AFDN: variants seen among roughly 807,000 people sequenced by gnomAD.
AFDN encodes the protein afadin, adherens junction formation factor, also known as afadin.
Under a neutral mutation model 216.6 loss-of-function variants are expected in AFDN, and 68 were observed. That is an observed-to-expected ratio of 0.31 (90% confidence interval 0.26 to 0.38). The LOEUF (loss-of-function observed/expected upper bound fraction) is 0.38. Among genes scored for constraint, AFDN ranks in the 10% least tolerant of loss-of-function variants. The pLI is 1.00. For missense variants in AFDN, 2,136 were observed against 2,342.0 expected (o/e 0.91, Z 1.82); for synonymous variants, 868 against 853.7 (o/e 1.02, Z -0.29).
At chr6:167,954,560 G>C in intron 30 of AFDN, 1 of 1,431,988 alleles carries the variant, frequency 7.0e-7, no homozygotes, top group Non-Finnish European at 9.6e-7. Flanking sequence ...TTCAGTGGTG[G>C]CTGTTTGATG....
At chr6:167,915,095 A>G in intron 18 of AFDN, 73 bp from the exon 19 acceptor site, 1 of 1,503,614 alleles carries the variant, frequency 6.7e-7, no homozygotes, top group Non-Finnish European at 9.1e-7. Context: ...CATTATCTAA[A>G]TCTGCTGCAC....
intron 1 of AFDN, among the ~76,000 whole-genome samples, chr6:167,863,099 T>C (rs930487420): frequency 6.6e-5 from 10 of 152,196 alleles, no homozygotes; most frequent in African/African-American, 1.9e-4. Flanking sequence ...TGTCTCTAAC[T>C]TGAAAACCTG....
At chr6:167,898,590 T>G in intron 11 of AFDN, 123 bp downstream of exon 11, 1 of 1,186,482 alleles carries the variant, frequency 8.4e-7, no homozygotes, top group Non-Finnish European at 1.1e-6. Flanking sequence ...AAGTGAAGTT[T>G]GTGATTTTGG....
intron 21 of AFDN, among the ~76,000 whole-genome samples, chr6:167,921,193 A>G (rs745394080): frequency 6.6e-6 from 1 of 152,258 alleles, no homozygotes; most frequent in Non-Finnish European, 1.5e-5. Context: ...AGCAACTGCC[A>G]GTTTTGTCAC....
In AFDN at chr6:167,971,820, T is replaced by C. The variant is rs76711227; in HGVS notation, c.*1885T>C. On this transcript the variant is annotated 3_prime_UTR_variant, in exon 34 of 34. Transcript: ENST00000683244. Reference sequence around the variant, plus strand: ...GTAAAAGTGCTTTTCAGAACTGCATTACTATGAGAAAACATCAAAACTGCT... The same window carrying C: ...GTAAAAGTGCTTTTCAGAACTGCATCACTATGAGAAAACATCAAAACTGCT... The C allele has an allele frequency of 6.4e-3, 1,321 of 205,782 alleles. 18 individuals carry two copies. Among genetic ancestry groups the C allele is most frequent in the African/African-American group, 0.029 (1,251 of 43,846 alleles). 12.7% of individuals were successfully genotyped at this position (205,782 alleles called of 1,614,324 possible). A position where few individuals can be genotyped will look rare whatever the true frequency, so the allele number is the denominator to read the frequency against.
At chr6:167,943,527 T>G in intron 25 of AFDN, 52 bp downstream of exon 25, 2 of 1,436,448 alleles carry the variant, frequency 1.4e-6, no homozygotes, top group Non-Finnish European at 2.0e-6. Context: ...TTAGGTGATT[T>G]TTGCATTAAA....
At chr6:167,863,663 G>A (rs1407653410) in intron 1 of AFDN, 3 of 402,760 alleles carry the variant, frequency 7.4e-6, no homozygotes, top group African/African-American at 4.1e-5. Flanking sequence ...ATTTTTGTTG[G>A]GAGTTGTGCT....
rs747278290 is a variant in AFDN, at chr6:167,914,718, G to A, written c.2279G>A (p.Ser760Asn). 10 of 1,612,270 alleles carry A rather than the reference G, an allele frequency of 6.2e-6. No individual in the cohort carries two copies. The highest frequency in any genetic ancestry group is 2.7e-5 in the African/African-American group (2 of 74,890). Residue 760 changes from serine to asparagine, a missense_variant, in exon 18 of 34, where the codon AGT becomes AAT. Physicochemically the swap from Ser to Asn is conservative, Grantham distance 46 (BLOSUM62 1). Around this residue, in one of 8 missense-constraint regions of AFDN, gnomAD observed 817 missense variants for 965.7 expected, o/e 0.85. Coordinates refer to ENST00000683244, the MANE Select transcript of AFDN (RefSeq NM_001386888.1). ...TTTCTAGATGACCCTGAAGAGAACA[G>A]TCTGCAACGACCAAAAATAGGTTAG... is the stretch of plus-strand genomic sequence containing the variant. ...PAFLDDPEENSLQRPKIDDVL... is the reference protein window; with the variant it reads ...PAFLDDPEENNLQRPKIDDVL...
At chr6:167,854,148 A>C (rs113021573) in intron 1 of AFDN, among the ~76,000 whole-genome samples, 8,690 of 151,896 alleles carry the variant, frequency 0.057, 832 homozygotes, top group African/African-American at 0.2. Flanking sequence ...GAAAAATGGC[A>C]TTTTACTATT....
At chr6:167,863,393 G>A (rs1266544997) in intron 1 of AFDN, among the ~76,000 whole-genome samples, 3 of 152,162 alleles carry the variant, frequency 2.0e-5, no homozygotes, top group Non-Finnish European at 4.4e-5. Flanking sequence ...GTGGATTGGG[G>A]AAAATTAAAG....
At chr6:167,940,184 A>T (rs1794512839) in intron 23 of AFDN, among the ~76,000 whole-genome samples, 1 of 152,214 alleles carries the variant, frequency 6.6e-6, no homozygotes, top group African/African-American at 2.4e-5. Flanking sequence ...AACCATCCAC[A>T]GGAAAGATGG....
chr6:167,939,776 C>T (rs1046098611), intron 23 of AFDN, among the ~76,000 whole-genome samples: 7 of 151,990 alleles, frequency 4.6e-5, no homozygotes, highest in Non-Finnish European at 8.8e-5. Flanking sequence ...CAAATAGGGG[C>T]GGTGAGGAGG....
chr6:167,918,969 C>T, intron 21 of AFDN, 36 bp downstream of exon 21: 1 of 1,569,680 alleles, frequency 6.4e-7, no homozygotes, highest in Non-Finnish European at 8.7e-7. Context: ...TGAGCTACGC[C>T]CCAGGTTGAA....
rs772123570 is a variant in AFDN, at chr6:167,948,482, A to C, written c.3831+4A>C. 1 of 1,612,326 alleles carries C rather than the reference A, an allele frequency of 6.2e-7. No individual in the cohort carries two copies. The highest frequency in any genetic ancestry group is 1.7e-5 in the Admixed American group (1 of 59,968). ...TCATTCCAGTATTGCAATTCAGGTT[A>C]GAAATCAAAGATTCCACACACTTTT... On this transcript the variant is annotated splice_donor_region_variant and intron_variant, in intron 29 of 33. Coordinates refer to ENST00000683244, the MANE Select transcript of AFDN (RefSeq NM_001386888.1).
intron 1 of AFDN, among the ~76,000 whole-genome samples, chr6:167,829,956 G>A (rs1481101705): frequency 6.6e-6 from 1 of 152,132 alleles, no homozygotes; most frequent in Non-Finnish European, 1.5e-5. Context: ...TATCACTGGA[G>A]TATTTTTCAG....
At chr6:167,849,315 G>C (rs762169070) in intron 1 of AFDN, among the ~76,000 whole-genome samples, 21 of 151,238 alleles carry the variant, frequency 1.4e-4, no homozygotes, top group Non-Finnish European at 2.5e-4. Flanking sequence ...TGTAACTTGT[G>C]GGGGGGGAGA....
At chr6:167,864,317 G>C in intron 1 of AFDN, 1 of 720,896 alleles carries the variant, frequency 1.4e-6, no homozygotes, top group East Asian at 2.7e-5. Context: ...TCATCTATTT[G>C]ACAGCCATTA....
Position 167,918,881 on chromosome 6 carries a change from CAG to C in AFDN, c.2858_2859del (p.Arg953LysfsTer36). 1 of 1,613,926 alleles carries C rather than the reference CAG, an allele frequency of 6.2e-7. No individual in the cohort carries two copies. ...AAGATGGTTATTCTTGTGATGTTGTCAGAAACATTCCAAATGGTTTACAAGAA... is the reference window on the plus strand; with the variant it reads ...AAGATGGTTATTCTTGTGATGTTGTCAAACATTCCAAATGGTTTACAAGAA... ...PEDGYSCDVVRNIPNGLQEFL... is the reference protein window; with the variant it reads ...PEDGYSCDVVXNIPNGLQEFL... On this transcript the variant is annotated frameshift_variant, in exon 21 of 34. Coordinates refer to ENST00000683244, the MANE Select transcript of AFDN (RefSeq NM_001386888.1). LOFTEE classifies it high-confidence loss of function.
chr6:167,827,799 C>A (rs1248178055), intron 1 of AFDN: 1 of 152,106 alleles, frequency 6.6e-6, no homozygotes, highest in Admixed American at 6.5e-5. Context: ...CGGACGCCTC[C>A]GAGGAAAGGC....
Sources: allele counts gnomAD v4.1 joint callset (sites outside exome capture counted in the v4.1 genomes callset), GRCh38; gene constraint gnomAD v4.1.1; regional missense constraint gnomAD v4.1.1; transcripts MANE v1.5; gene names NCBI Gene and HGNC (gene_info 2026-07-23, HGNC 2026-07-21).